UGT1A4: variants seen among roughly 807,000 people sequenced by gnomAD.
UGT1A4 encodes the protein UDP glucuronosyltransferase family 1 member A4.
Under a neutral mutation model 41.1 loss-of-function variants are expected in UGT1A4, and 32 were observed. That is an observed-to-expected ratio of 0.78 (90% CI 0.59 to 1.05). UGT1A4 has a LOEUF of 1.05. UGT1A4 is among the 50% of genes least tolerant of loss of function. UGT1A4 has a pLI of 0.00. For missense variants in UGT1A4, 748 were observed against 677.4 expected (o/e 1.10, Z -1.16); for synonymous variants, 283 against 265.1 (o/e 1.07, Z -0.66).
Position 233,769,821 on chromosome 2 carries a change from C to A in UGT1A4, c.1307+1382C>A. The A allele has an allele frequency of 5.1e-6, 4 of 785,016 alleles. No individual in the cohort carries two copies. The highest frequency in any genetic ancestry group is 7.3e-6 in the Non-Finnish European group (4 of 547,448). 48.6% of individuals were successfully genotyped at this position (785,016 alleles called of 1,614,324 possible). A position where few individuals can be genotyped will look rare whatever the true frequency, so the allele number is the denominator to read the frequency against. On this transcript the variant is annotated intron_variant, in intron 4 of 4. Coordinates refer to ENST00000373409, the MANE Select transcript of UGT1A4 (RefSeq NM_007120.3). The surrounding 1 kb of genome is among the most constrained non-coding windows in gnomAD (Gnocchi z 4.4). ...TATGAGCCGTGATCATGCCACTGCA[C>A]TCCAGCAACCTGGGCAACAGAGTGA...
chr2:233,729,309 C>T, intron 1 of UGT1A4: 3 of 1,614,256 alleles, frequency 1.9e-6, no homozygotes, highest in Non-Finnish European at 2.5e-6. Context: ...CAGTGGTCCT[C>T]ACCCCAGAGG....
chr2:233,754,382 C>A, intron 1 of UGT1A4: 2 of 288,814 alleles, frequency 6.9e-6, no homozygotes, highest in Non-Finnish European at 1.4e-5. Flanking sequence ...GAAAGACAAA[C>A]AGAGGTCCTA....
intron 1 of UGT1A4, among the ~76,000 whole-genome samples, chr2:233,751,545 C>T (rs562388554): frequency 7.0e-4 from 106 of 152,320 alleles, no homozygotes; most frequent in Non-Finnish European, 1.4e-3. Context: ...TGTGTTTCCA[C>T]CCAAATCTCA....
Position 233,718,927 on chromosome 2 carries a change from C to T in UGT1A4, c.107C>T (p.Thr36Ile), listed in dbSNP as rs149779946. 131 of 1,614,002 alleles carry T rather than the reference C, an allele frequency of 8.1e-5. No individual in the cohort carries two copies. Among genetic ancestry groups the T allele is most frequent in the Non-Finnish European group, 1.0e-4 (120 of 1,180,002 alleles). ...AGTGGAAAGGTGTTGGTGGTGCCCACTGATGGCAGCCCCTGGCTCAGCATG... is the reference window on the plus strand; with the variant it reads ...AGTGGAAAGGTGTTGGTGGTGCCCATTGATGGCAGCCCCTGGCTCAGCATG... ...AESGKVLVVP[T>I]DGSPWLSMRE... Residue 36 changes from threonine (T) to isoleucine (I), a missense_variant, in exon 1 of 5, where the codon ACT becomes ATT. By Grantham distance (89) the Thr-to-Ile change is moderately conservative. Transcript: ENST00000373409.
intron 1 of UGT1A4, among the ~76,000 whole-genome samples, chr2:233,763,394 A>G (rs567930530): frequency 6.6e-6 from 1 of 152,328 alleles, no homozygotes; most frequent in South Asian, 2.1e-4. Context: ...TTTAAACAAC[A>G]TGGCACTGGT....
intron 1 of UGT1A4, chr2:233,743,681 C>A: frequency 7.3e-7 from 1 of 1,367,264 alleles, no homozygotes; most frequent in Non-Finnish European, 9.8e-7. Flanking sequence ...GGGCCTGCCG[C>A]CTGTGCAGCC....
At chr2:233,744,235 A>C (rs943816403) in intron 1 of UGT1A4, among the ~76,000 whole-genome samples, 3 of 151,766 alleles carry the variant, frequency 2.0e-5, no homozygotes, top group African/African-American at 4.9e-5. Flanking sequence ...GAGGGCCTTG[A>C]CTTTGGCTGC....
At chr2:233,744,678 A>G (rs965177544) in intron 1 of UGT1A4, among the ~76,000 whole-genome samples, 2 of 151,880 alleles carry the variant, frequency 1.3e-5, no homozygotes, top group African/African-American at 2.4e-5. Context: ...CACATCACCC[A>G]TGTAGCTTCT....
intron 1 of UGT1A4, 52 bp downstream of exon 1, chr2:233,719,739 A>C (rs758565863): frequency 2.9e-5 from 46 of 1,613,226 alleles, no homozygotes; most frequent in Middle Eastern, 1.8e-4. Flanking sequence ...ACACTTTTTA[A>C]AAAATGTATT....
At position 233,759,745 on chromosome 2, in the gene UGT1A4, A is replaced by G. The variant is rs1303166455; in HGVS notation, c.868-7289A>G. Among the ~76,000 whole-genome samples the G allele has an allele frequency of 2.6e-5, 4 of 152,196 alleles. No homozygotes were observed. The East Asian group carries it at 7.7e-4, about 29-fold the overall frequency. ...CTCTGCTGCAGCCTCAAGACCCCAC[A>G]CTGTGCTGGACTCAATAAATATTGT... On this transcript the variant is annotated intron_variant, in intron 1 of 4. Transcript: ENST00000373409.
rs1692071385 is a variant in UGT1A4, at chr2:233,742,695, T to C, written c.867+23008T>C. 2.0e-5 allele frequency: 3 copies of C among 152,474 alleles called. 1 individual carries two copies. Among genetic ancestry groups the C allele is most frequent in the African/African-American group, 7.3e-5 (3 of 41,134 alleles). 9.4% of individuals were successfully genotyped at this position (152,474 alleles called of 1,614,324 possible). ...TTGTCCTCAGCCTTCAGAGGGAACA[T>C]GCTTCCACCGATTTCAGCTCAGTGA... is the stretch of plus-strand genomic sequence containing the variant. On this transcript the variant is annotated intron_variant, in intron 1 of 4. Coordinates refer to ENST00000373409, the MANE Select transcript of UGT1A4 (RefSeq NM_007120.3).
chr2:233,743,976 C>T (rs2125858385), intron 1 of UGT1A4: 2 of 1,312,500 alleles, frequency 1.5e-6, no homozygotes, highest in African/African-American at 1.5e-5. Context: ...GCTGCCAGCA[C>T]CCAGGCGCAG....
chr2:233,751,050 G>A (rs1201577547), intron 1 of UGT1A4, among the ~76,000 whole-genome samples: 3 of 151,910 alleles, frequency 2.0e-5, no homozygotes, highest in Admixed American at 2.0e-4. Context: ...GCCTGGAAAA[G>A]ACACAGACAC....
At chr2:233,734,119 A>AATAATC (rs2125784278) in intron 1 of UGT1A4, among the ~76,000 whole-genome samples, 1 of 152,144 alleles carries the variant, frequency 6.6e-6, no homozygotes, top group Non-Finnish European at 1.5e-5. Context: ...TAATAATAAT[A>AATAATC]ATAAAAAGAA....
At chr2:233,768,021 G>A (rs1699549230) in intron 3 of UGT1A4, 85 bp downstream of exon 3, 3 of 1,613,440 alleles carry the variant, frequency 1.9e-6, no homozygotes, top group East Asian at 2.2e-5. Flanking sequence ...AAGGATTGTT[G>A]AGCTTGAAAA....
chr2:233,743,068 G>A (rs397839835), intron 1 of UGT1A4: 3 of 339,878 alleles, frequency 8.8e-6, no homozygotes, highest in South Asian at 7.2e-5. Flanking sequence ...AAGAACAGGT[G>A]TTGGCATGAA....
At chr2:233,768,790 G>T (rs1021832155) in intron 4 of UGT1A4, among the ~76,000 whole-genome samples, 16 of 151,906 alleles carry the variant, frequency 1.1e-4, no homozygotes, top group African/African-American at 3.9e-4. Context: ...CACCATGTTT[G>T]TCAGGCTGGT....
Position 233,765,281 on chromosome 2 carries a change from A to G in UGT1A4, c.868-1753A>G, listed in dbSNP as rs552450239. On this transcript the variant is annotated intron_variant, in intron 1 of 4. Transcript: ENST00000373409. Reference sequence around the variant, plus strand: ...GTATATACCCAAAGAAATATAAATTATTCTACTATAAAGACACATGCACAT... The same window carrying G: ...GTATATACCCAAAGAAATATAAATTGTTCTACTATAAAGACACATGCACAT... Among the ~76,000 whole-genome samples, 6 of 152,338 alleles carry G rather than the reference A, an allele frequency of 3.9e-5. No homozygotes were observed. The East Asian group carries it at 1.2e-3, about 29-fold the overall frequency.
Position 233,747,423 on chromosome 2 carries a change from C to G in UGT1A4, c.868-19611C>G, listed in dbSNP as rs561242685. On this transcript the variant is annotated intron_variant, in intron 1 of 4. Transcript: ENST00000373409. ...CCCAGAGGTGAATATGCACATCAAACAAGAGAAATTTTTCACCCTGACAAC... is the reference window on the plus strand; with the variant it reads ...CCCAGAGGTGAATATGCACATCAAAGAAGAGAAATTTTTCACCCTGACAAC... 6.8e-5 allele frequency: 110 copies of G among 1,608,258 alleles called. 1 individual carries two copies. The highest frequency in any genetic ancestry group is 8.9e-5 in the East Asian group (4 of 44,854).
Sources: allele counts gnomAD v4.1 joint callset (sites outside exome capture counted in the v4.1 genomes callset), GRCh38; gene constraint gnomAD v4.1.1; non-coding constraint Gnocchi (gnomAD v3.1); transcripts MANE v1.5; gene names NCBI Gene and HGNC (gene_info 2026-07-23, HGNC 2026-07-21).